CRHR1: variants seen among roughly 807,000 people sequenced by gnomAD.
The protein encoded by CRHR1 is corticotropin-releasing hormone receptor 1.
A neutral mutation model predicts 56.0 loss-of-function variants in CRHR1; 28 were observed. The ratio of observed to expected loss-of-function variants is 0.50; its 90% CI spans 0.37 to 0.69. The LOEUF is 0.69. Ranked by LOEUF, CRHR1 falls within the 30% of genes least tolerant of loss-of-function variation. The pLI is 0.00. For missense variants in CRHR1, 376 were observed against 548.0 expected (o/e 0.69, Z 3.13); for synonymous variants, 195 against 216.5 (o/e 0.90, Z 0.87).
chr17:45,829,868 T>A (rs774859571), intron 5 of CRHR1, among the ~76,000 whole-genome samples: 1 of 151,142 alleles, frequency 6.6e-6, no homozygotes, highest in Non-Finnish European at 1.5e-5. Flanking sequence ...CTCCATGGAG[T>A]GCCAGGCTCT....
intron 2 of CRHR1, among the ~76,000 whole-genome samples, chr17:45,814,992 G>A (rs1351756044): frequency 1.3e-5 from 2 of 152,256 alleles, no homozygotes; most frequent in Non-Finnish European, 2.9e-5. Context: ...AGTGCTGCTC[G>A]GCACTGCCCT....
intron 4 of CRHR1, 53 bp downstream of exon 4, chr17:45,821,493 A>G: frequency 6.5e-7 from 1 of 1,540,336 alleles, no homozygotes; most frequent in East Asian, 2.2e-5. Flanking sequence ...CAGGGTCCCC[A>G]GCAGAGTTTT....
chr17:45,830,772 ACCCTGAGTAACCCCAGACCC>A (rs2062288056), intron 7 of CRHR1, 88 bp from the exon 8 acceptor site: 4 of 1,262,188 alleles, frequency 3.2e-6, no homozygotes, highest in Admixed American at 4.6e-5. Context: ...TTTGAGATCC[ACCCTGAGTAACCCCAGACCC>A]CCTGGAGCCT....
Position 45,829,567 on chromosome 17 carries a change from C to T in CRHR1, c.434+246C>T, listed in dbSNP as rs559430395. 3.9e-6 allele frequency: 6 copies of T among 1,550,194 alleles called. No individual in the cohort carries two copies. The African/African-American group carries it at 8.2e-5, about 21-fold the overall frequency. ...TTATGTCACCCATACCCAGGCCAGG[C>T]TGCACCCATTGGGGTGACCAGGCAG... On this transcript the variant is annotated intron_variant, in intron 5 of 12. Coordinates refer to ENST00000314537, the MANE Select transcript of CRHR1 (RefSeq NM_004382.5).
chr17:45,804,001 G>T (rs2061675484), intron 1 of CRHR1, among the ~76,000 whole-genome samples: 1 of 152,158 alleles, frequency 6.6e-6, no homozygotes, highest in Non-Finnish European at 1.5e-5. Context: ...TGCTTAGCTG[G>T]CAAGAGCCAC....
chr17:45,833,693 T>TGGGGGGGGGCGG, intron 10 of CRHR1, 21 bp from the exon 11 acceptor site: 1 of 1,571,618 alleles, frequency 6.4e-7, no homozygotes, highest in Non-Finnish European at 8.7e-7. Context: ...ACTCCGAGCC[T>TGGGGGGGGGCGG]CCCCACCCGC....
intron 1 of CRHR1, among the ~76,000 whole-genome samples, chr17:45,789,545 A>AT (rs1050129765): frequency 3.3e-5 from 5 of 150,986 alleles, no homozygotes; most frequent in Non-Finnish European, 3.0e-5. Context: ...CTAATTTTAA[A>AT]TTTTTTTGTA....
At chr17:45,833,693 T>TGGGGGGGGCG in intron 10 of CRHR1, 21 bp from the exon 11 acceptor site, 1 of 1,571,610 alleles carries the variant, frequency 6.4e-7, no homozygotes. Context: ...ACTCCGAGCC[T>TGGGGGGGGCG]CCCCACCCGC....
intron 1 of CRHR1, among the ~76,000 whole-genome samples, chr17:45,804,410 G>A (rs1482243449): frequency 1.3e-5 from 2 of 152,150 alleles, no homozygotes. Context: ...TGGGTAGTGG[G>A]GACCAGGCTC....
At chr17:45,801,238 G>A (rs554597377) in intron 1 of CRHR1, among the ~76,000 whole-genome samples, 11 of 152,270 alleles carry the variant, frequency 7.2e-5, no homozygotes, top group African/African-American at 2.2e-4. Flanking sequence ...CTTCCAAGGC[G>A]CTGTCTTGAC....
At position 45,784,518 on chromosome 17, in the gene CRHR1, C is replaced by G. The variant is rs116702137; in HGVS notation, c.-27C>G. 1,606 of 1,539,994 alleles carry G rather than the reference C, an allele frequency of 1.0e-3. 12 individuals are homozygous for G. The African/African-American group carries it at 0.02, about 19-fold the overall frequency. ...GGGATGTCCGTAGGACCCGGGCATT[C>G]AGGACGGTAGCCGAGCGAGCCCGAG... On this transcript the variant is annotated 5_prime_UTR_variant, in exon 1 of 13. The change creates a premature stop within an existing upstream ORF in the 5' untranslated region. Coordinates refer to ENST00000314537, the MANE Select transcript of CRHR1 (RefSeq NM_004382.5). This position sits in a 1 kb window ranked among gnomAD's most constrained non-coding sequence, Gnocchi z 4.2.
At chr17:45,791,656 C>T (rs759730213) in intron 1 of CRHR1, among the ~76,000 whole-genome samples, 23 of 151,946 alleles carry the variant, frequency 1.5e-4, no homozygotes, top group Non-Finnish European at 2.6e-4. Flanking sequence ...CGAAGCCGTC[C>T]TCAGCTGTTA....
intron 8 of CRHR1, among the ~76,000 whole-genome samples, chr17:45,832,414 T>C (rs2062335506): frequency 6.6e-6 from 1 of 152,146 alleles, no homozygotes; most frequent in Admixed American, 6.5e-5. Context: ...TCAGAAGCTG[T>C]GTGTGGCCAG....
chr17:45,834,447 C>T (rs554163859), intron 12 of CRHR1, among the ~76,000 whole-genome samples, 177 bp from the exon 13 acceptor site: 4 of 152,268 alleles, frequency 2.6e-5, no homozygotes, highest in East Asian at 3.9e-4. Context: ...AAACCTGTTC[C>T]GACAAATATG....
intron 1 of CRHR1, among the ~76,000 whole-genome samples, chr17:45,787,752 A>G (rs1209978835): frequency 6.6e-6 from 1 of 152,184 alleles, no homozygotes; most frequent in African/African-American, 2.4e-5. Context: ...ATCGGTGCAT[A>G]TCTGGGCCAT....
At chr17:45,803,903 T>A (rs2061673840) in intron 1 of CRHR1, among the ~76,000 whole-genome samples, 1 of 152,204 alleles carries the variant, frequency 6.6e-6, no homozygotes, top group Non-Finnish European at 1.5e-5. Flanking sequence ...GCATCTGAAC[T>A]GCCCCTCTCC....
In CRHR1 at chr17:45,833,542, C is replaced by A; in HGVS notation, c.929+5C>A. ...GTCTGAGACCATTCAGTACAGGTAACCGGGTACCACCTTCCTCAGGCCTCC... is the reference window on the plus strand; with the variant it reads ...GTCTGAGACCATTCAGTACAGGTAAACGGGTACCACCTTCCTCAGGCCTCC... On this transcript the variant is annotated splice_donor_5th_base_variant and intron_variant, in intron 10 of 12. Transcript: ENST00000314537. The A allele has an allele frequency of 6.2e-7, 1 of 1,613,692 alleles. No homozygotes were observed. The highest frequency in any genetic ancestry group is 8.5e-7 in the Non-Finnish European group (1 of 1,179,728).
intron 7 of CRHR1, 23 bp downstream of exon 7, chr17:45,830,593 C>T (rs762985262): frequency 6.3e-7 from 1 of 1,586,322 alleles, no homozygotes; most frequent in Non-Finnish European, 8.6e-7. Flanking sequence ...GCCACCTCCG[C>T]AGCCTGGGCA....
At chr17:45,830,287 AGAG>A (rs781217418) in intron 6 of CRHR1, 73 bp downstream of exon 6, 3 of 1,591,024 alleles carry the variant, frequency 1.9e-6, no homozygotes, top group Non-Finnish European at 2.6e-6. Flanking sequence ...CCTGCCCTGC[AGAG>A]GAGGAGCCCA....
Sources: gnomAD v4.1 joint callset for allele counts (sites outside exome capture counted in the v4.1 genomes callset) on GRCh38, gnomAD v4.1.1 for gene constraint, Gnocchi (gnomAD v3.1) non-coding constraint, MANE v1.5 for transcripts, NCBI Gene and HGNC (gene_info 2026-07-23, HGNC 2026-07-21) for gene names.